The following STRN3 variants were observed in gnomAD, a reference collection of about 807,000 sequenced individuals.
The protein encoded by STRN3 is striatin 3, also known as striatin-3.
Under a neutral mutation model 95.6 loss-of-function variants are expected in STRN3, and 29 were observed. That is an observed-to-expected ratio of 0.30 (90% CI 0.23 to 0.41). The LOEUF is 0.41. Ranked by LOEUF, STRN3 falls within the 10% of genes least tolerant of loss-of-function variation. STRN3 has a pLI of 1.00. For synonymous variants in STRN3, 331 were observed against 357.6 expected (o/e 0.93, Z 0.84); for missense variants, 890 against 972.1 (o/e 0.92, Z 1.12).
At chr14:30,979,575 C>A (rs1881284809) in intron 1 of STRN3, among the ~76,000 whole-genome samples, 1 of 151,990 alleles carries the variant, frequency 6.6e-6, no homozygotes, top group African/African-American at 2.4e-5. Flanking sequence ...AAAAGGTGTT[C>A]GTTGATTTGC....
At chr14:30,955,754 A>G in intron 2 of STRN3, 61 bp from the exon 3 acceptor site, 2 of 1,323,286 alleles carry the variant, frequency 1.5e-6, no homozygotes, top group East Asian at 2.4e-5. Flanking sequence ...CTCTTGCTTT[A>G]TATTACTCCA....
At position 30,947,210 on chromosome 14, in the gene STRN3, C is replaced by T. The variant is rs201337945; in HGVS notation, c.596G>A (p.Arg199Gln). The change falls in exon 5 of 18, where the codon CGG becomes CAG. Residue 199 changes from arginine (R) to glutamine (Q), a missense_variant. Transcript: ENST00000357479. ...AGATAGTCCAAGTAATGACCTTACC[C>T]GCTGAGACCGTACATCTAATATTGT... The part of the protein sequence containing the change: ...TDTILDVRSQ[R>Q]VRSLLGLSNS... The T allele has an allele frequency of 1.3e-4, 210 of 1,611,874 alleles. No homozygotes were observed. The highest frequency in any genetic ancestry group is 1.7e-4 in the Non-Finnish European group (201 of 1,179,160).
chr14:30,921,069 T>TACACACACACACACACACACAC lies in STRN3; in HGVS notation c.1100-1964_1100-1963insGTGTGTGTGTGTGTGTGTGTGT, dbSNP rs367677158. 3.1e-4 allele frequency among the ~76,000 whole-genome samples: 37 copies of TACACACACACACACACACACAC among 119,952 alleles called. No individual in the cohort carries two copies. In the East Asian group the frequency reaches 3.3e-3, roughly 11 times the overall value. 78.7% of individuals were successfully genotyped at this position (119,952 alleles called of 152,430 possible). ...GGTGAGAAGGCTTTCTACACATACATATACACACACACACACACACACACA... is the reference window on the plus strand; with the variant it reads ...GGTGAGAAGGCTTTCTACACATACATACACACACACACACACACACACATACACACACACACACACACACACA... On this transcript the variant is annotated intron_variant, in intron 8 of 17. Transcript: ENST00000357479.
chr14:30,910,486 C>A (rs553209445), intron 13 of STRN3, among the ~76,000 whole-genome samples: 148 of 151,968 alleles, frequency 9.7e-4, no homozygotes, highest in African/African-American at 3.4e-3. Context: ...AGTGCCCTTA[C>A]AAATATATTT....
intron 15 of STRN3, among the ~76,000 whole-genome samples, chr14:30,904,493 T>C (rs568474552): frequency 3.9e-5 from 6 of 152,274 alleles, no homozygotes; most frequent in African/African-American, 1.2e-4. Flanking sequence ...TAAAAACTGG[T>C]AAATAAAGGG....
At chr14:30,949,186 G>A (rs1879513779) in intron 4 of STRN3, among the ~76,000 whole-genome samples, 1 of 152,132 alleles carries the variant, frequency 6.6e-6, no homozygotes. Context: ...CTTCAATTCT[G>A]CTAGTTATCC....
At chr14:30,986,017 A>G (rs114437694) in intron 1 of STRN3, among the ~76,000 whole-genome samples, 2,792 of 152,182 alleles carry the variant, frequency 0.018, 77 homozygotes, top group African/African-American at 0.063. Flanking sequence ...TTCAGCCTTA[A>G]CCACAAGATG....
At chr14:30,955,583 T>C (rs1038450857) in intron 3 of STRN3, 37 bp downstream of exon 3, 1 of 1,479,696 alleles carries the variant, frequency 6.8e-7, no homozygotes, top group African/African-American at 1.5e-5. Flanking sequence ...AAAAAATGAA[T>C]TAAAAAAAAA....
chr14:30,908,863 T>G (rs955624295), intron 13 of STRN3, among the ~76,000 whole-genome samples: 5 of 152,236 alleles, frequency 3.3e-5, no homozygotes, highest in African/African-American at 1.2e-4. Context: ...ATGTATTATT[T>G]GTATAGAGAA....
chr14:30,980,224 G>A (rs1475521345), intron 1 of STRN3, among the ~76,000 whole-genome samples: 2 of 151,936 alleles, frequency 1.3e-5, no homozygotes, highest in Admixed American at 6.5e-5. Flanking sequence ...CAGCTGGGAT[G>A]ACAGAGCAAG....
intron 1 of STRN3, among the ~76,000 whole-genome samples, chr14:30,984,297 A>C (rs1315153791): frequency 6.8e-6 from 1 of 146,652 alleles, no homozygotes; most frequent in East Asian, 2.0e-4. Context: ...AAAAAACAGA[A>C]AAGAATTAAA....
At chr14:30,964,902 C>T (rs147410693) in intron 1 of STRN3, among the ~76,000 whole-genome samples, 4 of 148,064 alleles carry the variant, frequency 2.7e-5, no homozygotes, top group Non-Finnish European at 6.0e-5. Context: ...CAGTGCACAA[C>T]AGGGCAAGGC....
intron 9 of STRN3, 91 bp from the exon 10 acceptor site, chr14:30,913,748 A>G: frequency 3.7e-6 from 5 of 1,341,320 alleles, no homozygotes; most frequent in Non-Finnish European, 5.0e-6. Context: ...AACAGTTACA[A>G]TATTCAGTAA....
intron 5 of STRN3, among the ~76,000 whole-genome samples, chr14:30,943,585 G>A (rs1430133406): frequency 6.6e-6 from 1 of 152,114 alleles, no homozygotes; most frequent in African/African-American, 2.4e-5. Flanking sequence ...GGGCAACAGG[G>A]CAAGACACCA....
chr14:31,004,514 C>A (rs1169101129), intron 1 of STRN3, among the ~76,000 whole-genome samples: 1 of 152,074 alleles, frequency 6.6e-6, no homozygotes, highest in African/African-American at 2.4e-5. Flanking sequence ...TGGCTCACAC[C>A]TATAATCCCA....
intron 9 of STRN3, among the ~76,000 whole-genome samples, chr14:30,915,826 A>T (rs1896723578): frequency 1.3e-5 from 2 of 152,184 alleles, no homozygotes; most frequent in South Asian, 4.1e-4. Flanking sequence ...ATTTTGCAAG[A>T]CTATCTCTGA....
chr14:30,982,799 T>C (rs541801491), intron 1 of STRN3, among the ~76,000 whole-genome samples: 7 of 152,258 alleles, frequency 4.6e-5, no homozygotes, highest in Admixed American at 3.9e-4. Context: ...ACAGTCTCGT[T>C]ATGTTGCCCA....
intron 6 of STRN3, 29 bp from the exon 7 acceptor site, chr14:30,935,333 C>G: frequency 6.2e-7 from 1 of 1,601,768 alleles, no homozygotes; most frequent in Non-Finnish European, 8.5e-7. Flanking sequence ...CCAAGAATTA[C>G]TTTTATCCTA....
chr14:30,958,277 C>T (rs1052202869), intron 1 of STRN3, among the ~76,000 whole-genome samples: 3 of 152,078 alleles, frequency 2.0e-5, no homozygotes, highest in Non-Finnish European at 4.4e-5. Flanking sequence ...CATCACTGCC[C>T]TCCAGCCTGG....
Sources: allele counts gnomAD v4.1 joint callset (sites outside exome capture counted in the v4.1 genomes callset), GRCh38; gene constraint gnomAD v4.1.1; transcripts MANE v1.5; gene names NCBI Gene and HGNC (gene_info 2026-07-23, HGNC 2026-07-21).